Variants in FFAR1 observed in about 807,000 individuals in gnomAD.
FFAR1 encodes free fatty acid receptor 1, also known as G-protein coupled receptor 40.
For synonymous variants in FFAR1, 216 were observed against 201.5 expected (o/e 1.07, Z -0.61); for missense variants, 424 against 396.2 (o/e 1.07, Z -0.60).
rs150996713 is a variant in FFAR1 at position 35,352,126 on chromosome 19, T to G, written c.575T>G (p.Phe192Cys). 360 of 1,611,810 alleles carry G rather than the reference T, an allele frequency of 2.2e-4. No homozygotes were observed. The highest frequency in any genetic ancestry group is 2.9e-4 in the Non-Finnish European group (348 of 1,179,860). ...TTCAGCCTCTCTCTCCTGCTCTTTT[T>G]TCTGCCCTTGGCCATCACAGCCTTC... is the stretch of plus-strand genomic sequence containing the variant. The change falls in exon 1 of 1, where the codon TTT becomes TGT. Residue 192 changes from phenylalanine (F) to cysteine (C), a missense_variant. Transcript: ENST00000246553.
exon 1 of FFAR1, chr19:35,351,975 T>C (rs1568495863): frequency 6.2e-7 from 1 of 1,614,170 alleles, no homozygotes; most frequent in East Asian, 2.2e-5. Context: ...GGGTCTGGTC[T>C]TTGGGTTGGA....
upstream of FFAR1, among the ~76,000 whole-genome samples, chr19:35,350,282 C>G (rs962539218): frequency 5.9e-5 from 9 of 152,214 alleles, no homozygotes; most frequent in Non-Finnish European, 1.3e-4. Context: ...CAGAGGGGCC[C>G]TCCTCGCAAA....
chr19:35,352,583 G>C (rs2145692976), exon 1 of FFAR1: 1 of 1,006,650 alleles, frequency 9.9e-7, no homozygotes, highest in African/African-American at 1.6e-5. Flanking sequence ...CACTCAAGCA[G>C]AGAGCGGCGC....
rs199506594 is a variant in FFAR1, at chr19:35,351,934, C to T, written c.383C>T (p.Ala128Val). 15 of 1,614,012 alleles carry T rather than the reference C, an allele frequency of 9.3e-6. 1 individual carries two copies. The South Asian group carries it at 1.4e-4, about 15-fold the overall frequency. Residue 128 changes from alanine to valine, a missense_variant, in exon 1 of 1, where the codon GCG (alanine) becomes GTG (valine). Coordinates refer to ENST00000246553, the Ensembl canonical transcript of FFAR1. ...CCGTGCTATTCCTGGGGGGTGTGCG[C>T]GGCCATCTGGGCCCTCGTCCTGTGT...
At chr19:35,348,046 G>A (rs1292409319), upstream of FFAR1, among the ~76,000 whole-genome samples, 1 of 152,204 alleles carries the variant, frequency 6.6e-6, no homozygotes, top group Non-Finnish European at 1.5e-5. Flanking sequence ...CTGCAAAGGG[G>A]CTAAAGCCCA....
upstream of FFAR1, among the ~76,000 whole-genome samples, chr19:35,351,315 A>C (rs2066943144): frequency 6.6e-6 from 1 of 152,124 alleles, no homozygotes; most frequent in East Asian, 1.9e-4. Context: ...GTGGAGAGAA[A>C]GCACAGGACT....
At chr19:35,351,851 G>C (rs1306246767) in exon 1 of FFAR1, 1 of 1,613,076 alleles carries the variant, frequency 6.2e-7, no homozygotes, top group Admixed American at 1.7e-5. Flanking sequence ...TGGCCGCCCT[G>C]AGTGCAGGCC....
At chr19:35,351,405 C>T (rs2066943579), upstream of FFAR1, 2 of 709,674 alleles carry the variant, frequency 2.8e-6, no homozygotes, top group Non-Finnish European at 4.7e-6. Flanking sequence ...TCGTTTCCTC[C>T]CTGATCCCAC....
chr19:35,351,980 G>A (rs777864253), exon 1 of FFAR1: 2 of 1,614,150 alleles, frequency 1.2e-6, no homozygotes, highest in East Asian at 2.2e-5. Flanking sequence ...TGGTCTTTGG[G>A]TTGGAGGCTC....
exon 1 of FFAR1, chr19:35,351,854 T>TGCAGGCCGCTACCTGGGA: frequency 6.2e-7 from 1 of 1,612,430 alleles, no homozygotes; most frequent in Non-Finnish European, 8.5e-7. Context: ...CCGCCCTGAG[T>TGCAGGCCGCTACCTGGGA]GCAGGCCGCT....
upstream of FFAR1, among the ~76,000 whole-genome samples, chr19:35,349,829 C>G (rs538889689): frequency 2.3e-4 from 35 of 152,292 alleles, no homozygotes; most frequent in African/African-American, 8.4e-4. Flanking sequence ...CAGAAAGACA[C>G]GGGCACATTG....
upstream of FFAR1, among the ~76,000 whole-genome samples, chr19:35,350,127 C>G (rs1410906564): frequency 3.9e-5 from 6 of 152,142 alleles, no homozygotes; most frequent in Non-Finnish European, 8.8e-5. Flanking sequence ...CCTTGACAGG[C>G]AGAGTGGGGG....
At chr19:35,353,194 T>C (rs2145693400) in exon 1 of FFAR1, 1 of 152,330 alleles carries the variant, frequency 6.6e-6, no homozygotes, top group African/African-American at 2.4e-5. Flanking sequence ...GTAAGACATA[T>C]TTGAAGCCAG....
upstream of FFAR1, among the ~76,000 whole-genome samples, chr19:35,349,804 AGACT>A (rs1464103036): frequency 6.6e-6 from 1 of 152,226 alleles, no homozygotes; most frequent in African/African-American, 2.4e-5. Flanking sequence ...AAATAGAGAC[AGACT>A]GACAGACAGA....
chr19:35,350,666 C>A (rs1365172999), upstream of FFAR1, among the ~76,000 whole-genome samples: 1 of 152,184 alleles, frequency 6.6e-6, no homozygotes, highest in African/African-American at 2.4e-5. Flanking sequence ...CTGGCGTGGC[C>A]TCACCTCCAG....
chr19:35,352,024 T>TG lies in FFAR1; in HGVS notation c.476dup (p.Ile160HisfsTer113). ...TGGCTGGACCACAGCAACACCTCCC[T>TG]GGGCATCAACACACCGGTCAACGGC... is the stretch of plus-strand genomic sequence containing the variant. On this transcript the variant is annotated frameshift_variant, in exon 1 of 1. Coordinates refer to ENST00000246553, the Ensembl canonical transcript of FFAR1. LOFTEE classifies it low-confidence loss of function (END_TRUNC). 1 of 1,614,056 alleles carries TG rather than the reference T, an allele frequency of 6.2e-7. No individual in the cohort carries two copies. Among genetic ancestry groups the TG allele is most frequent in the Non-Finnish European group, 8.5e-7 (1 of 1,179,992 alleles).
chr19:35,351,051 G>A (rs2066942172), upstream of FFAR1, among the ~76,000 whole-genome samples: 1 of 152,096 alleles, frequency 6.6e-6, no homozygotes, highest in South Asian at 2.1e-4. Flanking sequence ...TGCCCCGCCG[G>A]CTTTCCAATG....
At chr19:35,351,269 G>A (rs1439603538), upstream of FFAR1, among the ~76,000 whole-genome samples, 2 of 152,158 alleles carry the variant, frequency 1.3e-5, no homozygotes, top group Non-Finnish European at 1.5e-5. Flanking sequence ...CTCCTGTGAC[G>A]CTGCAGGAGC....
chr19:35,348,981 C>T (rs1175747635), upstream of FFAR1, among the ~76,000 whole-genome samples: 1 of 152,134 alleles, frequency 6.6e-6, no homozygotes, highest in African/African-American at 2.4e-5. Context: ...GAGATATGGC[C>T]ATCAATAGAC....
Sources: gnomAD v4.1 joint callset for allele counts (sites outside exome capture counted in the v4.1 genomes callset) on GRCh38, gnomAD v4.1.1 for gene constraint, MANE v1.5 for transcripts, NCBI Gene and HGNC (gene_info 2026-07-23, HGNC 2026-07-21) for gene names.